Variants in NLGN4X observed in about 807,000 individuals in gnomAD.
The protein encoded by NLGN4X is neuroligin-4, X-linked.
A neutral mutation model predicts 40.3 loss-of-function variants in NLGN4X; 3 were observed. The ratio of observed to expected loss-of-function variants is 0.07; its 90% CI spans 0.03 to 0.19. NLGN4X has a LOEUF of 0.19. Ranked by LOEUF, NLGN4X falls within the 10% of genes least tolerant of loss-of-function variation. The probability of loss-of-function intolerance (pLI) is 1.00; values close to 1 mark genes in which losing one functional copy is unlikely to be tolerated. For synonymous variants in NLGN4X, 270 were observed against 306.8 expected (o/e 0.88, Z 1.25); for missense variants, 382 against 708.3 (o/e 0.54, Z 5.23).
chrX:6,082,907 G>T (rs1323649678), intron 2 of NLGN4X, among the ~76,000 whole-genome samples: 2 of 107,216 alleles, frequency 1.9e-5, no homozygotes, highest in African/African-American at 6.8e-5. Context: ...AAGGGTCTTA[G>T]GTTTTCCCAG....
Position 6,112,833 on chromosome X carries a change from G to A in NLGN4X, c.472+38162C>T, listed in dbSNP as rs139255338. On this transcript the variant is annotated intron_variant, in intron 2 of 5. Coordinates refer to ENST00000381095, the MANE Select transcript of NLGN4X (RefSeq NM_181332.3). ...AAAGTGTGTGTGCAGGAGGACGAAC[G>A]TGATACTGGAGATATCTGGCCAACA... Among the ~76,000 whole-genome samples the A allele has an allele frequency of 1.4e-4, 16 of 110,451 alleles. No individual in the cohort carries two copies. The East Asian group carries it at 2.0e-3, about 14-fold the overall frequency.
intron 3 of NLGN4X, among the ~76,000 whole-genome samples, chrX:5,991,068 G>C (rs1236806448): frequency 9.0e-6 from 1 of 111,689 alleles, no homozygotes; most frequent in African/African-American, 3.3e-5. Context: ...GAAACAACAA[G>C]TCTAAGATGG....
At chrX:6,095,948 C>A (rs936041589) in intron 2 of NLGN4X, among the ~76,000 whole-genome samples, 1 of 112,238 alleles carries the variant, frequency 8.9e-6, no homozygotes, top group Non-Finnish European at 1.9e-5. Context: ...AATATGGAGG[C>A]TGCAATGACC....
At chrX:6,123,944 GAATA>G (rs1467113148) in intron 2 of NLGN4X, among the ~76,000 whole-genome samples, 13 of 109,084 alleles carry the variant, frequency 1.2e-4, no homozygotes, top group African/African-American at 4.3e-4. Flanking sequence ...AATAAAATTA[GAATA>G]AAGATAAAAT....
chrX:6,123,699 T>A (rs1340418877), intron 2 of NLGN4X, among the ~76,000 whole-genome samples: 1 of 101,865 alleles, frequency 9.8e-6, no homozygotes, highest in Non-Finnish European at 1.9e-5. Flanking sequence ...CATTAAAATA[T>A]AAGTGCAGCA....
chrX:6,003,015 C>T (rs1486398797), intron 3 of NLGN4X, among the ~76,000 whole-genome samples: 1 of 111,408 alleles, frequency 9.0e-6, no homozygotes, highest in Non-Finnish European at 1.9e-5. Context: ...ATAAAAAATC[C>T]CCTGCATTTA....
chrX:6,062,515 C>CT (rs2037795717), intron 2 of NLGN4X, among the ~76,000 whole-genome samples: 1 of 111,568 alleles, frequency 9.0e-6, no homozygotes, highest in Non-Finnish European at 1.9e-5. Flanking sequence ...CCACCCTACT[C>CT]TGATACCTGC....
At chrX:6,079,567 A>G (rs1331090746) in intron 2 of NLGN4X, among the ~76,000 whole-genome samples, 1 of 111,876 alleles carries the variant, frequency 8.9e-6, no homozygotes, top group African/African-American at 3.2e-5. Flanking sequence ...ACATGGGTAC[A>G]TGAGCACCAT....
At chrX:6,143,980 C>T (rs1163041679) in intron 2 of NLGN4X, among the ~76,000 whole-genome samples, 1 of 111,811 alleles carries the variant, frequency 8.9e-6, no homozygotes, top group Non-Finnish European at 1.9e-5. Flanking sequence ...ATAGTAGTCT[C>T]AGCCTATAGT....
chrX:6,210,003 A>G, intron 1 of NLGN4X, among the ~76,000 whole-genome samples: 1 of 111,565 alleles, frequency 9.0e-6, no homozygotes, highest in Admixed American at 9.5e-5. Context: ...GGAGCGAGCC[A>G]TCACATCTGG....
At chrX:6,028,215 C>T (rs2036760128) in intron 3 of NLGN4X, among the ~76,000 whole-genome samples, 1 of 111,845 alleles carries the variant, frequency 8.9e-6, no homozygotes, top group African/African-American at 3.2e-5. Flanking sequence ...ATCTTCTATA[C>T]CATTTTAATG....
chrX:5,896,603 T>C (rs1259388391), intron 5 of NLGN4X, among the ~76,000 whole-genome samples: 1 of 112,216 alleles, frequency 8.9e-6, no homozygotes, highest in Non-Finnish European at 1.9e-5. Context: ...ACCTGTCCTG[T>C]TTTATTTGAG....
intron 2 of NLGN4X, among the ~76,000 whole-genome samples, chrX:6,119,349 A>C (rs1330113450): frequency 8.9e-6 from 1 of 112,438 alleles, no homozygotes; most frequent in Non-Finnish European, 1.9e-5. Flanking sequence ...GATAACAGCA[A>C]CAGAAATAAA....
chrX:6,007,105 T>C (rs2036121646), intron 3 of NLGN4X, among the ~76,000 whole-genome samples: 1 of 112,038 alleles, frequency 8.9e-6, no homozygotes, highest in Admixed American at 9.5e-5. Flanking sequence ...ATGGTTTATA[T>C]ATCCATGGAA....
At chrX:6,198,147 C>A (rs918303406) in intron 1 of NLGN4X, among the ~76,000 whole-genome samples, 2 of 110,829 alleles carry the variant, frequency 1.8e-5, no homozygotes, top group African/African-American at 6.6e-5. Flanking sequence ...TTAGTCAAAG[C>A]ATACAAAACT....
chrX:5,933,282 C>T (rs1168228218), intron 3 of NLGN4X, among the ~76,000 whole-genome samples: 2 of 111,252 alleles, frequency 1.8e-5, no homozygotes, highest in Non-Finnish European at 3.8e-5. Context: ...ACTATAATTT[C>T]TATTTGGCTA....
intron 3 of NLGN4X, among the ~76,000 whole-genome samples, chrX:6,028,362 A>G (rs1437573411): frequency 1.8e-5 from 2 of 111,609 alleles, no homozygotes; most frequent in Non-Finnish European, 3.8e-5. Flanking sequence ...ACCTACAATT[A>G]GAAGAAGATG....
chrX:5,915,254 A>AACT (rs1196082797), intron 3 of NLGN4X, among the ~76,000 whole-genome samples: 3 of 111,924 alleles, frequency 2.7e-5, no homozygotes, highest in Non-Finnish European at 5.6e-5. Flanking sequence ...GGGGCCTATG[A>AACT]ACTACTACTG....
rs765213646 is a variant in NLGN4X, at chrX:6,173,600, C to G, written c.-305-21829G>C. Among the ~76,000 whole-genome samples, 8 of 112,649 alleles carry G rather than the reference C, an allele frequency of 7.1e-5. No individual in the cohort carries two copies. In the South Asian group the frequency reaches 2.9e-3, roughly 42 times the overall value. ...CCTCACACCCAGAAGGAATGCTGCT[C>G]AGAGAGGCCAAGAAGAATCTAGGCA... On this transcript the variant is annotated intron_variant, in intron 1 of 5. Coordinates refer to ENST00000381095, the MANE Select transcript of NLGN4X (RefSeq NM_181332.3).
Sources: allele counts gnomAD v4.1 joint callset (sites outside exome capture counted in the v4.1 genomes callset), GRCh38; gene constraint gnomAD v4.1.1; transcripts MANE v1.5; gene names NCBI Gene and HGNC (gene_info 2026-07-23, HGNC 2026-07-21).